Variants in AXDND1 observed in about 807,000 individuals in gnomAD.
The protein encoded by AXDND1 is axonemal dynein light chain domain-containing protein 1.
Under a neutral mutation model 137.5 loss-of-function variants are expected in AXDND1, and 110 were observed. That is an observed-to-expected ratio of 0.80 (90% CI 0.69 to 0.94). AXDND1 has a LOEUF of 0.94. AXDND1 is among the 40% of genes least tolerant of loss of function. The probability of loss-of-function intolerance (pLI) is 0.00; values close to 1 mark genes in which losing one functional copy is unlikely to be tolerated. For missense variants in AXDND1, 1,191 were observed against 1,169.8 expected, an observed-to-expected ratio of 1.02 and a Z score of -0.26; for synonymous variants, 414 against 399.7, an observed-to-expected ratio of 1.04 and a Z score of -0.43.
intron 16 of AXDND1, among the ~76,000 whole-genome samples, chr1:179,445,944 C>T (rs1442116656): frequency 1.3e-5 from 2 of 152,276 alleles, no homozygotes; most frequent in African/African-American, 2.4e-5. Flanking sequence ...GAGGCTGCAT[C>T]ATTTTATATT....
chr1:179,499,034 A>C (rs1667737029), intron 20 of AXDND1, among the ~76,000 whole-genome samples: 1 of 152,168 alleles, frequency 6.6e-6, no homozygotes, highest in African/African-American at 2.4e-5. Flanking sequence ...TTTCTCAAAG[A>C]ACTTAAAACA....
At position 179,369,953 on chromosome 1, in the gene AXDND1, A is replaced by AT. The variant is rs777932911; in HGVS notation, c.271-21dup. On this transcript the variant is annotated intron_variant, in intron 3 of 25. Coordinates refer to ENST00000367618, the MANE Select transcript of AXDND1 (RefSeq NM_144696.6). ...TTAGATCGCCCTCTGCTGGATATTC[A>AT]TGTGTATTTGCTTTTTCCCAGGGCA... 1,099 of 1,553,882 alleles carry AT rather than the reference A, an allele frequency of 7.1e-4. 1 individual carries two copies. Among genetic ancestry groups the AT allele is most frequent in the Middle Eastern group, 1.2e-3 (7 of 5,970 alleles).
At chr1:179,446,397 T>G (rs4130266) in intron 16 of AXDND1, among the ~76,000 whole-genome samples, 48,204 of 152,042 alleles carry the variant, frequency 0.32, 7,947 homozygotes, top group African/African-American at 0.37. Flanking sequence ...TGAGATATTA[T>G]TCTGTGAAGT....
At position 179,370,058 on chromosome 1, in the gene AXDND1, C is replaced by T. The variant is rs1023468164; in HGVS notation, c.354C>T (p.Val118=). 9 of 1,612,350 alleles carry T rather than the reference C, an allele frequency of 5.6e-6. No individual in the cohort carries two copies. In the African/African-American group the frequency reaches 1.2e-4, roughly 22 times the overall value. ...TCAAATACCTGATTGACCATCCCGTCTCCCTCACAGGAGCTGGAAGGTAAA... is the reference window on the plus strand; with the variant it reads ...TCAAATACCTGATTGACCATCCCGTTTCCCTCACAGGAGCTGGAAGGTAAA... ...NKFKYLIDHP[V]SLTGAGRDIS... is the part of the protein sequence containing the mutation. The change falls in exon 4 of 26, where the codon GTC becomes GTT. Residue 118 remains valine (V), a synonymous_variant. Transcript: ENST00000367618.
At chr1:179,490,957 G>C (rs1465410860) in intron 18 of AXDND1, among the ~76,000 whole-genome samples, 2 of 152,126 alleles carry the variant, frequency 1.3e-5, no homozygotes, top group Non-Finnish European at 1.5e-5. Flanking sequence ...GTTTGCTGTG[G>C]AGCCCTGGAA....
At chr1:179,501,032 A>G (rs1399287581) in intron 20 of AXDND1, among the ~76,000 whole-genome samples, 2 of 152,230 alleles carry the variant, frequency 1.3e-5, no homozygotes, top group Non-Finnish European at 2.9e-5. Context: ...TTAAGTGCTT[A>G]ATAGTACATG....
intron 16 of AXDND1, among the ~76,000 whole-genome samples, chr1:179,461,308 A>G (rs1204638381): frequency 6.6e-6 from 1 of 152,174 alleles, no homozygotes; most frequent in Non-Finnish European, 1.5e-5. Context: ...TAAATAGGGA[A>G]TCCTTTCCCC....
chr1:179,406,658 A>T (rs1368851126), intron 11 of AXDND1, among the ~76,000 whole-genome samples: 1 of 152,054 alleles, frequency 6.6e-6, no homozygotes, highest in Non-Finnish European at 1.5e-5. Context: ...GATTTATCTG[A>T]TGTAAGTATA....
intron 23 of AXDND1, 112 bp downstream of exon 23, chr1:179,528,543 C>A: frequency 3.8e-6 from 2 of 528,550 alleles, no homozygotes. Context: ...ATTCCTAAGT[C>A]ATGTATTTTA....
intron 16 of AXDND1, among the ~76,000 whole-genome samples, chr1:179,459,725 TCC>T (rs1486855208): frequency 3.7e-5 from 4 of 106,830 alleles, no homozygotes; most frequent in Admixed American, 9.3e-5. Context: ...TTTCTTTCTT[TCC>T]TTCCTTCCTT....
chr1:179,530,367 G>A (rs1404898323), intron 23 of AXDND1, among the ~76,000 whole-genome samples: 1 of 152,118 alleles, frequency 6.6e-6, no homozygotes, highest in African/African-American at 2.4e-5. Flanking sequence ...ACAGGTAGAA[G>A]CTTTTTATCT....
intron 16 of AXDND1, chr1:179,457,018 C>A (rs1571913204): frequency 1.3e-6 from 2 of 1,561,824 alleles, no homozygotes; most frequent in South Asian, 2.2e-5. Context: ...CAACAAATAT[C>A]TTTTTCACAG....
Position 179,385,228 on chromosome 1 carries a change from C to T in AXDND1, c.742-10C>T, listed in dbSNP as rs758979423. 5.6e-6 allele frequency: 9 copies of T among 1,605,434 alleles called. No individual in the cohort carries two copies. The highest frequency in any genetic ancestry group is 2.2e-5 in the East Asian group (1 of 44,798). ...AATAAGTACTGATTATGTTACTTAC[C>T]TTCTGACAGATGCACAAACTACTAC... On this transcript the variant is annotated splice_polypyrimidine_tract_variant and intron_variant, in intron 8 of 25. Coordinates refer to ENST00000367618, the MANE Select transcript of AXDND1 (RefSeq NM_144696.6).
At position 179,383,457 on chromosome 1, in the gene AXDND1, A is replaced by C. The variant is rs778867127; in HGVS notation, c.654A>C (p.Arg218Ser). ...LLFPSMKPNK[R>S]VEVAQLNDVM... is the part of the protein sequence containing the mutation. ...AATTTTTTAGGAAACCTAATAAAAG[A>C]GTAGAAGTGGCCCAGCTGAATGATG... The change falls in exon 8 of 26, where the codon AGA becomes AGC. Residue 218 changes from arginine to serine, a missense_variant. Coordinates refer to ENST00000367618, the MANE Select transcript of AXDND1 (RefSeq NM_144696.6). 6.8e-6 allele frequency: 11 copies of C among 1,613,754 alleles called. No individual in the cohort carries two copies. The South Asian group carries it at 9.9e-5, about 14-fold the overall frequency.
chr1:179,544,064 C>T (rs1047976202), intron 25 of AXDND1: 7 of 152,550 alleles, frequency 4.6e-5, no homozygotes, highest in African/African-American at 1.7e-4. Context: ...CTGAACACAC[C>T]CCAGATATCA....
chr1:179,523,104 CCT>C (rs1670222082), intron 21 of AXDND1, among the ~76,000 whole-genome samples: 1 of 151,894 alleles, frequency 6.6e-6, no homozygotes, highest in South Asian at 2.1e-4. Flanking sequence ...TTCCTCGTGG[CCT>C]CTCATACTTC....
intron 2 of AXDND1, among the ~76,000 whole-genome samples, chr1:179,367,752 G>A (rs1237159283): frequency 6.6e-6 from 1 of 152,126 alleles, no homozygotes; most frequent in African/African-American, 2.4e-5. Flanking sequence ...AGTAAATAAA[G>A]AAACAAAAAG....
intron 20 of AXDND1, among the ~76,000 whole-genome samples, chr1:179,505,307 T>C (rs561098931): frequency 5.9e-5 from 2 of 33,930 alleles, no homozygotes; most frequent in East Asian, 5.3e-3. Flanking sequence ...AAGCTAATGT[T>C]TCTGCTTCTT....
intron 17 of AXDND1, among the ~76,000 whole-genome samples, chr1:179,482,884 C>T (rs990711063): frequency 5.3e-5 from 8 of 151,046 alleles, no homozygotes; most frequent in Admixed American, 1.3e-4. Context: ...TAATATTGAA[C>T]GTAAGATCTG....
Sources: gnomAD v4.1 joint callset for allele counts (sites outside exome capture counted in the v4.1 genomes callset) on GRCh38, gnomAD v4.1.1 for gene constraint, MANE v1.5 for transcripts, NCBI Gene and HGNC (gene_info 2026-07-23, HGNC 2026-07-21) for gene names.